ZNF8: variants seen among roughly 807,000 people sequenced by gnomAD.
The protein encoded by ZNF8 is zinc finger protein 8.
ZNF8 carries 9 observed loss-of-function variants against 12.2 expected under a neutral mutation model. The observed-to-expected ratio is 0.73, with a 90% CI of 0.44 to 1.28. The LOEUF is 1.28. Ranked by LOEUF, ZNF8 falls within the 50% of genes most tolerant of loss-of-function variation. The pLI is 0.00. For synonymous variants in ZNF8, 274 were observed against 282.3 expected (o/e 0.97, Z 0.30); for missense variants, 664 against 729.1 (o/e 0.91, Z 1.03).
chr19:58,279,373 G>A (rs1411717059), intron 1 of ZNF8: 33 of 1,457,204 alleles, frequency 2.3e-5, no homozygotes, highest in Non-Finnish European at 2.6e-5. Flanking sequence ...GCTCCACGCG[G>A]CTCTGTCCTC....
chr19:58,295,572 A>G lies in ZNF8; in HGVS notation c.*36A>G, dbSNP rs1281899375. 16 of 1,512,310 alleles carry G rather than the reference A, an allele frequency of 1.1e-5. No homozygotes were observed. The highest frequency in any genetic ancestry group is 1.4e-5 in the Non-Finnish European group (16 of 1,114,134). 93.7% of individuals were successfully genotyped at this position (1,512,310 alleles called of 1,614,324 possible). On this transcript the variant is annotated 3_prime_UTR_variant, in exon 4 of 4. Transcript: ENST00000621650. ...TTGCTGATGACTTTTAACCACAAGT[A>G]AAAAATGTGGTAAGTCCACATAGTG... is the stretch of plus-strand genomic sequence containing the variant.
chr19:58,295,098 G>A lies in ZNF8; in HGVS notation c.1290G>A (p.Arg430=), dbSNP rs776810695. The change falls in exon 4 of 4, where the codon AGG becomes AGA. Residue 430 remains arginine, a synonymous_variant. Coordinates refer to ENST00000621650, the MANE Select transcript of ZNF8 (RefSeq NM_021089.3). ...AGEKPFECRQ[R]LIFEQTPALT... ...AGAAGCCCTTTGAGTGCCGCCAGAG[G>A]CTGATCTTTGAGCAGACGCCAGCTC... The A allele has an allele frequency of 1.2e-6, 2 of 1,614,056 alleles. No homozygotes were observed.
chr19:58,282,659 A>C (rs561036041), intron 1 of ZNF8, among the ~76,000 whole-genome samples: 13 of 151,088 alleles, frequency 8.6e-5, no homozygotes, highest in Non-Finnish European at 1.8e-4. Context: ...ATGGAGTCTC[A>C]CTGTGTCGCC....
At chr19:58,291,402 G>C (rs1418979505) in intron 3 of ZNF8, among the ~76,000 whole-genome samples, 1 of 152,200 alleles carries the variant, frequency 6.6e-6, no homozygotes, top group Admixed American at 6.5e-5. Context: ...TCCTGGCCAG[G>C]CCAGTTCACT....
rs137872498 is a variant in ZNF8, at chr19:58,295,567, C to G, written c.*31C>G. 4 of 1,533,732 alleles carry G rather than the reference C, an allele frequency of 2.6e-6. No homozygotes were observed. Among genetic ancestry groups the G allele is most frequent in the African/African-American group, 1.4e-5 (1 of 72,262 alleles). On this transcript the variant is annotated 3_prime_UTR_variant, in exon 4 of 4. Coordinates refer to ENST00000621650, the MANE Select transcript of ZNF8 (RefSeq NM_021089.3). ...AAACTTTGCTGATGACTTTTAACCA[C>G]AAGTAAAAAATGTGGTAAGTCCACA...
intron 3 of ZNF8, among the ~76,000 whole-genome samples, chr19:58,290,108 CTTTTTTTTTTTTTT>C (rs773199651): frequency 1.4e-5 from 1 of 73,424 alleles, no homozygotes; most frequent in Non-Finnish European, 2.4e-5. Flanking sequence ...TTTCAAGATT[CTTTTTTTTTTTTTT>C]TTTTTTTTTG....
chr19:58,279,920 G>A (rs1429693317), intron 1 of ZNF8: 5 of 1,159,996 alleles, frequency 4.3e-6, no homozygotes, highest in South Asian at 1.5e-5. Context: ...ATGGGGATTT[G>A]CATTATTTCA....
In ZNF8 at chr19:58,301,196, G is replaced by A. The variant is rs1322514382; in HGVS notation, c.*5660G>A. The A allele has an allele frequency of 6.6e-6, 1 of 152,238 alleles. No individual in the cohort carries two copies. The highest frequency in any genetic ancestry group is 2.4e-5 in the African/African-American group (1 of 41,452). The allele number at this position is 152,238 out of a possible 1,614,324, so 9.4% of individuals were successfully genotyped here. A position where few individuals can be genotyped will look rare whatever the true frequency, so the allele number is the denominator to read the frequency against. The stretch of plus-strand genomic sequence containing the variant: ...CAAAACTCATTTTCCACCCAGACTA[G>A]TCTCTGCTTCCCTGATCCCTTTCCT... On this transcript the variant is annotated 3_prime_UTR_variant, in exon 4 of 4. Coordinates refer to ENST00000621650, the MANE Select transcript of ZNF8 (RefSeq NM_021089.3).
chr19:58,295,293 C>T lies in ZNF8; in HGVS notation c.1485C>T (p.Pro495=). Residue 495 remains proline, a synonymous_variant, in exon 4 of 4, where the codon CCC becomes CCT. Coordinates refer to ENST00000621650, the MANE Select transcript of ZNF8 (RefSeq NM_021089.3). ...TAACTCACACCAGAGAGGAGCAGCCCCATGGGCGAAGCCGGCGGCGTGAAC... is the reference window on the plus strand; with the variant it reads ...TAACTCACACCAGAGAGGAGCAGCCTCATGGGCGAAGCCGGCGGCGTGAAC... ...HQITHTREEQ[P]HGRSRRREQS... The T allele has an allele frequency of 6.2e-7, 1 of 1,614,218 alleles. No homozygotes were observed. The highest frequency in any genetic ancestry group is 8.5e-7 in the Non-Finnish European group (1 of 1,180,026).
rs1329724783 is a variant in ZNF8, at chr19:58,294,120, C to T, written c.312C>T (p.Ser104=). The change falls in exon 4 of 4, where the codon AGC becomes AGT. Residue 104 remains serine (S), a synonymous_variant. Transcript: ENST00000621650. This position sits in a 1 kb window ranked among gnomAD's most constrained non-coding sequence, Gnocchi z 5.5. ...CHPAWEPRSE[S]QASRKEEGLP... is the part of the protein sequence containing the mutation. ...CAGCCTGGGAGCCTCGATCTGAAAG[C>T]CAAGCATCACGCAAGGAAGAGGGCC... The T allele has an allele frequency of 6.2e-7, 1 of 1,601,846 alleles. No homozygotes were observed. The highest frequency in any genetic ancestry group is 2.2e-5 in the East Asian group (1 of 44,522).
rs974035133 is a variant in ZNF8 at position 58,302,667 on chromosome 19, A to C, written c.*7131A>C. The C allele has an allele frequency of 6.6e-6, 1 of 152,186 alleles. No individual in the cohort carries two copies. The highest frequency in any genetic ancestry group is 1.5e-5 in the Non-Finnish European group (1 of 68,030). 9.4% of individuals were successfully genotyped at this position (152,186 alleles called of 1,614,324 possible). A position where few individuals can be genotyped will look rare whatever the true frequency, so the allele number is the denominator to read the frequency against. On this transcript the variant is annotated 3_prime_UTR_variant, in exon 4 of 4. Transcript: ENST00000621650. ...GGGGGCATTGGAGGGGTTCTTATAC[A>C]TTTACAGTGGGAATGTGAATTGATA... is the stretch of plus-strand genomic sequence containing the variant.
intron 3 of ZNF8, 28 bp downstream of exon 3, chr19:58,286,233 A>G (rs2051382460): frequency 1.2e-6 from 2 of 1,603,116 alleles, no homozygotes; most frequent in Admixed American, 1.7e-5. Context: ...GGGAGCAGCT[A>G]ATGGGAGCAG....
At position 58,286,336 on chromosome 19, in the gene ZNF8, C is replaced by T. The variant is rs146779533; in HGVS notation, c.289+131C>T. 6.2e-4 allele frequency: 429 copies of T among 690,188 alleles called. 2 individuals carry two copies. The African/African-American group carries it at 7.1e-3, about 11-fold the overall frequency. 42.8% of individuals were successfully genotyped at this position (690,188 alleles called of 1,614,324 possible). On this transcript the variant is annotated intron_variant, in intron 3 of 3. Transcript: ENST00000621650. ...TTCACTAGGAGTATACAGGACTCAGCATAGAGTCATGCTGACAGCTCTCAG... is the reference window on the plus strand; with the variant it reads ...TTCACTAGGAGTATACAGGACTCAGTATAGAGTCATGCTGACAGCTCTCAG...
At chr19:58,288,446 G>A (rs1043642360) in intron 3 of ZNF8, among the ~76,000 whole-genome samples, 3 of 152,080 alleles carry the variant, frequency 2.0e-5, no homozygotes, top group Non-Finnish European at 2.9e-5. Flanking sequence ...AGGGGAAGAG[G>A]TAGGAAGAAT....
intron 3 of ZNF8, among the ~76,000 whole-genome samples, 195 bp from the exon 4 acceptor site, chr19:58,293,903 G>A (rs2051435922): frequency 6.6e-6 from 1 of 152,238 alleles, no homozygotes; most frequent in Non-Finnish European, 1.5e-5. Context: ...CCCACAGCAG[G>A]TGCTCAATAA....
At chr19:58,288,159 C>T (rs903507118) in intron 3 of ZNF8, among the ~76,000 whole-genome samples, 2 of 151,938 alleles carry the variant, frequency 1.3e-5, no homozygotes, top group African/African-American at 4.8e-5. Flanking sequence ...TGTACCTGGT[C>T]ACATGTCTAG....
chr19:58,290,357 G>A (rs549837353), intron 3 of ZNF8, among the ~76,000 whole-genome samples: 53 of 150,900 alleles, frequency 3.5e-4, no homozygotes, highest in Non-Finnish European at 4.9e-4. Flanking sequence ...CTCGTGATCC[G>A]CCCGCCTTGG....
At chr19:58,279,579 G>A in intron 1 of ZNF8, 1 of 1,532,116 alleles carries the variant, frequency 6.5e-7, no homozygotes, top group Non-Finnish European at 8.7e-7. Context: ...TGGAGTCAGC[G>A]GACACCCACC....
At chr19:58,286,463 G>A (rs978151706) in intron 3 of ZNF8, 9 of 369,166 alleles carry the variant, frequency 2.4e-5, no homozygotes, top group Non-Finnish European at 4.1e-5. Context: ...TTCAGGATGT[G>A]CCAGGCTCCC....
Sources: allele counts gnomAD v4.1 joint callset (sites outside exome capture counted in the v4.1 genomes callset), GRCh38; gene constraint gnomAD v4.1.1; non-coding constraint Gnocchi (gnomAD v3.1); transcripts MANE v1.5; gene names NCBI Gene and HGNC (gene_info 2026-07-23, HGNC 2026-07-21).